HDHD5: variants seen among roughly 807,000 people sequenced by gnomAD.
HDHD5 encodes haloacid dehalogenase like hydrolase domain containing 5.
In HDHD5, 34 loss-of-function variants were observed where a neutral mutation model predicts 35.5. The ratio of observed to expected loss-of-function variants is 0.96; its 90% CI spans 0.73 to 1.28. The LOEUF is 1.28. Ranked by LOEUF, HDHD5 falls within the 50% of genes most tolerant of loss-of-function variation. HDHD5 has a pLI of 0.00. For synonymous variants in HDHD5, 248 were observed against 240.6 expected (o/e 1.03, Z -0.29); for missense variants, 589 against 560.2 (o/e 1.05, Z -0.52).
At chr22:17,159,766 A>G, upstream of HDHD5, 1 of 290,366 alleles carries the variant, frequency 3.4e-6, no homozygotes. Flanking sequence ...CTCCCAGCGC[A>G]TAGGGAGACT....
intron 1 of HDHD5, among the ~76,000 whole-genome samples, chr22:17,151,890 G>A (rs1428482518): frequency 2.0e-5 from 3 of 152,160 alleles, no homozygotes; most frequent in Non-Finnish European, 4.4e-5. Flanking sequence ...ATCAATTCTA[G>A]GTAAGTTCTA....
At chr22:17,154,249 G>A (rs1414230607) in intron 1 of HDHD5, among the ~76,000 whole-genome samples, 2 of 151,578 alleles carry the variant, frequency 1.3e-5, no homozygotes, top group Non-Finnish European at 2.9e-5. Flanking sequence ...TTGGCAGGCC[G>A]AGGTGGGCAG....
Position 17,137,703 on chromosome 22 carries a change from C to A in HDHD5, c.*318G>T. Reference sequence around the variant, plus strand: ...TCCACAGTATTCCACACTGCCTCCCCCATTTCAGAAGTCCCTACTGAAATG... The same window carrying A: ...TCCACAGTATTCCACACTGCCTCCCACATTTCAGAAGTCCCTACTGAAATG... On this transcript the variant is annotated 3_prime_UTR_variant, in exon 8 of 8. Transcript: ENST00000336737. 1 of 321,390 alleles carries A rather than the reference C, an allele frequency of 3.1e-6. No homozygotes were observed. The allele number at this position is 321,390 out of a possible 1,614,324, so 19.9% of individuals were successfully genotyped here.
intron 1 of HDHD5, among the ~76,000 whole-genome samples, chr22:17,156,958 A>G (rs1452620435): frequency 3.7e-4 from 56 of 150,560 alleles, no homozygotes; most frequent in African/African-American, 1.2e-3. Context: ...GGCGCCTGTA[A>G]TCCCACGTAC....
intron 1 of HDHD5, among the ~76,000 whole-genome samples, chr22:17,157,046 C>T (rs528503928): frequency 6.8e-6 from 1 of 147,010 alleles, no homozygotes; most frequent in South Asian, 2.2e-4. Context: ...CCACTGCACT[C>T]CAGCCCGGGC....
At chr22:17,154,154 G>A (rs1416811809) in intron 1 of HDHD5, among the ~76,000 whole-genome samples, 3 of 149,298 alleles carry the variant, frequency 2.0e-5, no homozygotes, top group South Asian at 2.2e-4. Context: ...GAGCCACCGC[G>A]CCCAGCCAAC....
intron 1 of HDHD5, among the ~76,000 whole-genome samples, chr22:17,154,503 A>AAAAT (rs990235689): frequency 1.7e-4 from 26 of 152,090 alleles, no homozygotes; most frequent in Non-Finnish European, 2.9e-4. Context: ...ATAAAAACAA[A>AAAAT]AAATAAATAA....
At position 17,137,849 on chromosome 22, in the gene HDHD5, A is replaced by T; in HGVS notation, c.*172T>A. The T allele has an allele frequency of 1.7e-6, 1 of 599,742 alleles. No individual in the cohort carries two copies. Among genetic ancestry groups the T allele is most frequent in the Non-Finnish European group, 2.9e-6 (1 of 341,508 alleles). 37.2% of individuals were successfully genotyped at this position (599,742 alleles called of 1,614,324 possible). On this transcript the variant is annotated 3_prime_UTR_variant, in exon 8 of 8. Coordinates refer to ENST00000336737, the MANE Select transcript of HDHD5 (RefSeq NM_033070.3). ...CCATACAAAATGCTACCCAGCAGGGAAAAAGAGTCACTGTCTTCTTCCAAG... is the reference window on the plus strand; with the variant it reads ...CCATACAAAATGCTACCCAGCAGGGTAAAAGAGTCACTGTCTTCTTCCAAG...
upstream of HDHD5, among the ~76,000 whole-genome samples, chr22:17,160,780 C>A (rs2061858116): frequency 3.9e-5 from 6 of 152,262 alleles, no homozygotes; most frequent in South Asian, 1.2e-3. Flanking sequence ...AAGACTAATT[C>A]AAGTCAGTCA....
rs1400107564 is a variant in HDHD5 at position 17,138,211 on chromosome 22, A to AC, written c.1081dup (p.Val361GlyfsTer46). On this transcript the variant is annotated frameshift_variant, in exon 8 of 8. Coordinates refer to ENST00000336737, the MANE Select transcript of HDHD5 (RefSeq NM_033070.3). LOFTEE classifies it low-confidence loss of function (END_TRUNC). ...CCTGGGATTGTAGACGCCTGTACAC[A>AC]CCAGGATGGAGATGCAGCTCTGGCT... is the stretch of plus-strand genomic sequence containing the variant. The AC allele has an allele frequency of 1.9e-6, 3 of 1,613,898 alleles. No individual in the cohort carries two copies. Among genetic ancestry groups the AC allele is most frequent in the Non-Finnish European group, 2.5e-6 (3 of 1,180,018 alleles).
intron 1 of HDHD5, 159 bp downstream of exon 1, chr22:17,158,967 C>A (rs2061835464): frequency 1.6e-6 from 1 of 627,046 alleles, no homozygotes. Flanking sequence ...GGCGCATCCG[C>A]CCTCCAGCAA....
chr22:17,138,865 T>A, intron 6 of HDHD5, 127 bp from the exon 7 acceptor site: 1 of 949,762 alleles, frequency 1.1e-6, no homozygotes, highest in Non-Finnish European at 1.6e-6. Flanking sequence ...AGCTGACATG[T>A]AGCAGACACT....
chr22:17,146,065 C>T (rs2061658562), intron 3 of HDHD5, among the ~76,000 whole-genome samples: 2 of 152,106 alleles, frequency 1.3e-5, no homozygotes, highest in South Asian at 4.1e-4. Context: ...ATAAAGCGTG[C>T]CCTGCTTTCC....
At chr22:17,138,840 T>G in intron 6 of HDHD5, 102 bp from the exon 7 acceptor site, 1 of 1,314,518 alleles carries the variant, frequency 7.6e-7, no homozygotes. Flanking sequence ...AGACCAGCCT[T>G]TTCCCCAGGG....
intron 1 of HDHD5, 69 bp downstream of exon 1, chr22:17,159,057 C>T: frequency 3.4e-6 from 4 of 1,179,036 alleles, no homozygotes; most frequent in East Asian, 3.6e-5. Context: ...CCCCTCCTTC[C>T]CCGCGGCTCC....
chr22:17,150,728 AG>A (rs762213433), intron 1 of HDHD5, among the ~76,000 whole-genome samples: 18 of 152,140 alleles, frequency 1.2e-4, no homozygotes, highest in Non-Finnish European at 1.6e-4. Context: ...CATGTTGACC[AG>A]GCTGGTCTTG....
Position 17,152,548 on chromosome 22 carries a change from A to AG in HDHD5, c.127-2804dup, listed in dbSNP as rs543201592. On this transcript the variant is annotated intron_variant, in intron 1 of 7. Coordinates refer to ENST00000336737, the MANE Select transcript of HDHD5 (RefSeq NM_033070.3). ...GGGCACAGTAGGAGCGGGCAGCGAG[A>AG]GGTCATTGGAGGATACAAGGTTAAG... Among the ~76,000 whole-genome samples the AG allele has an allele frequency of 3.4e-3, 515 of 152,198 alleles. 4 individuals carry two copies. Among genetic ancestry groups the AG allele is most frequent in the African/African-American group, 0.012 (495 of 41,528 alleles).
At chr22:17,153,511 C>G (rs971448111) in intron 1 of HDHD5, among the ~76,000 whole-genome samples, 3 of 152,144 alleles carry the variant, frequency 2.0e-5, no homozygotes, top group African/African-American at 7.2e-5. Context: ...TCCCTGGAGC[C>G]CCTCCCTATT....
At chr22:17,151,568 A>G (rs1315093658) in intron 1 of HDHD5, among the ~76,000 whole-genome samples, 1 of 152,056 alleles carries the variant, frequency 6.6e-6, no homozygotes, top group Non-Finnish European at 1.5e-5. Context: ...CGCCTCTACT[A>G]AAAATACAAA....
Sources: allele counts gnomAD v4.1 joint callset (sites outside exome capture counted in the v4.1 genomes callset), GRCh38; gene constraint gnomAD v4.1.1; transcripts MANE v1.5; gene names NCBI Gene and HGNC (gene_info 2026-07-23, HGNC 2026-07-21).